Variants in KAT6B observed in about 807,000 individuals in gnomAD.
KAT6B encodes the protein lysine acetyltransferase 6B.
Under a neutral mutation model 187.5 loss-of-function variants are expected in KAT6B, and 10 were observed. That is an observed-to-expected ratio of 0.05 (90% confidence interval 0.03 to 0.09). The LOEUF (loss-of-function observed/expected upper bound fraction) is 0.09, where lower values mean the gene tolerates loss of function less well. Ranked by LOEUF, KAT6B falls within the 10% of genes least tolerant of loss-of-function variation. KAT6B has a pLI of 1.00. For synonymous variants in KAT6B, 861 were observed against 926.8 expected (o/e 0.93, Z 1.29); for missense variants, 1,952 against 2,558.9 (o/e 0.76, Z 5.12).
At chr10:74,848,121 G>A (rs1842235984) in intron 3 of KAT6B, among the ~76,000 whole-genome samples, 1 of 151,814 alleles carries the variant, frequency 6.6e-6, no homozygotes, top group Non-Finnish European at 1.5e-5. Context: ...GTTTCACCAT[G>A]TTGGCCAGGC....
At chr10:74,930,897 A>G (rs1429074254) in intron 3 of KAT6B, among the ~76,000 whole-genome samples, 1 of 152,232 alleles carries the variant, frequency 6.6e-6, no homozygotes, top group Non-Finnish European at 1.5e-5. Context: ...CTGTTAATCA[A>G]ATCCATCTAA....
chr10:75,028,658 A>C lies in KAT6B; in HGVS notation c.3834A>C (p.Glu1278Asp). The change falls in exon 18 of 18, where the codon GAA becomes GAC. Residue 1278 changes from glutamate (E) to aspartate (D), a missense_variant. Coordinates refer to ENST00000287239, the MANE Select transcript of KAT6B (RefSeq NM_012330.4). ...AACTGAATTTGTACACCCCGCCAGA[A>C]ACACCCATGGAGCCTGACGAGCAGG... ...GFKLNLYTPPETPMEPDEQVT... is the reference protein window; with the variant it reads ...GFKLNLYTPPDTPMEPDEQVT... The C allele has an allele frequency of 6.2e-7, 1 of 1,614,166 alleles. No homozygotes were observed.
intron 3 of KAT6B, among the ~76,000 whole-genome samples, chr10:74,880,400 T>C (rs891800904): frequency 3.3e-5 from 5 of 152,266 alleles, no homozygotes; most frequent in African/African-American, 1.2e-4. Context: ...CTGTAGTATG[T>C]ATCAGTACTT....
rs992723009 is a variant in KAT6B at position 74,854,118 on chromosome 10, A to G, written c.621+10640A>G. On this transcript the variant is annotated intron_variant, in intron 3 of 17. Transcript: ENST00000287239. ...TCAGGTACTTTGATCTCTCCAATCTATTAATGTTTCTGAGTACATAAACAT... is the reference window on the plus strand; with the variant it reads ...TCAGGTACTTTGATCTCTCCAATCTGTTAATGTTTCTGAGTACATAAACAT... Among the ~76,000 whole-genome samples the G allele has an allele frequency of 3.9e-5, 6 of 152,238 alleles. No homozygotes were observed. In the East Asian group the frequency reaches 5.8e-4, roughly 15 times the overall value.
intron 3 of KAT6B, among the ~76,000 whole-genome samples, chr10:74,894,995 C>T (rs78225168): frequency 0.034 from 5,142 of 151,574 alleles, 177 homozygotes; most frequent in East Asian, 0.11. Flanking sequence ...ATAGCAGCTA[C>T]GCCATTTTAC....
chr10:74,981,302 T>C (rs200066018), intron 10 of KAT6B, among the ~76,000 whole-genome samples: 19 of 126,702 alleles, frequency 1.5e-4, no homozygotes, highest in African/African-American at 6.9e-4. Context: ...TTTCTTTCTT[T>C]CTTTCTTCCT....
intron 3 of KAT6B, among the ~76,000 whole-genome samples, chr10:74,938,675 C>T (rs1849437257): frequency 6.6e-6 from 1 of 152,132 alleles, no homozygotes; most frequent in Non-Finnish European, 1.5e-5. Context: ...TTCCAATGAT[C>T]TGTCAAACAT....
chr10:74,879,565 T>C (rs1480118841), intron 3 of KAT6B, among the ~76,000 whole-genome samples: 1 of 152,224 alleles, frequency 6.6e-6, no homozygotes, highest in East Asian at 1.9e-4. Context: ...TTAGGGCTAC[T>C]ATATTACCCA....
At chr10:74,988,013 T>A (rs958546249) in intron 12 of KAT6B, among the ~76,000 whole-genome samples, 2 of 152,188 alleles carry the variant, frequency 1.3e-5, no homozygotes, top group African/African-American at 4.8e-5. Context: ...GTGCAAAAGT[T>A]GGGAGTACAT....
chr10:74,911,176 A>C (rs1847176137), intron 3 of KAT6B, among the ~76,000 whole-genome samples: 1 of 152,046 alleles, frequency 6.6e-6, no homozygotes, highest in Non-Finnish European at 1.5e-5. Context: ...ATATATATGC[A>C]TGTGATTCTG....
At chr10:74,873,198 C>G (rs1320577781) in intron 3 of KAT6B, among the ~76,000 whole-genome samples, 2 of 151,646 alleles carry the variant, frequency 1.3e-5, no homozygotes, top group Non-Finnish European at 2.9e-5. Flanking sequence ...TGGTGGCTCA[C>G]GGCTATAATT....
Position 74,992,516 on chromosome 10 carries a change from A to G in KAT6B, c.2629+3404A>G, listed in dbSNP as rs144323012. On this transcript the variant is annotated intron_variant, in intron 13 of 17. Transcript: ENST00000287239. ...TCTATAATAAAGTGTTGAATATCTCATGTAAGAGTGTTGTACCACATATCG... is the reference window on the plus strand; with the variant it reads ...TCTATAATAAAGTGTTGAATATCTCGTGTAAGAGTGTTGTACCACATATCG... Among the ~76,000 whole-genome samples, 32 of 152,310 alleles carry G rather than the reference A, an allele frequency of 2.1e-4. No individual in the cohort carries two copies. In the East Asian group the frequency reaches 4.0e-3, roughly 19 times the overall value.
intron 3 of KAT6B, among the ~76,000 whole-genome samples, chr10:74,936,171 G>A (rs902340730): frequency 4.6e-5 from 7 of 152,146 alleles, no homozygotes; most frequent in Non-Finnish European, 1.0e-4. Context: ...GGGAGGCCAA[G>A]GCAGGCGAAT....
At chr10:74,828,562 CTTTTTTTTTTTT>C (rs1160950109) in intron 1 of KAT6B, among the ~76,000 whole-genome samples, 5 of 94,822 alleles carry the variant, frequency 5.3e-5, no homozygotes, top group East Asian at 3.1e-4. Flanking sequence ...CTCATAAGTT[CTTTTTTTTTTTT>C]TTTTTTTTTT....
chr10:74,972,975 A>T (rs981609627), intron 7 of KAT6B, among the ~76,000 whole-genome samples: 3 of 152,206 alleles, frequency 2.0e-5, no homozygotes, highest in Non-Finnish European at 4.4e-5. Context: ...AAATATTTTC[A>T]TAGGAATTTT....
intron 11 of KAT6B, chr10:74,984,137 T>C (rs1331443546): frequency 3.3e-5 from 5 of 152,240 alleles, no homozygotes; most frequent in Non-Finnish European, 7.3e-5. Flanking sequence ...TCTGTGCCCA[T>C]TGCCCATATT....
intron 3 of KAT6B, among the ~76,000 whole-genome samples, chr10:74,899,955 T>C (rs891803202): frequency 1.3e-5 from 2 of 152,200 alleles, no homozygotes; most frequent in Non-Finnish European, 2.9e-5. Context: ...CAGTGCAAGA[T>C]TAAAATCTCT....
chr10:74,939,303 T>TGTGGA (rs1191548117), intron 3 of KAT6B, among the ~76,000 whole-genome samples: 1 of 152,170 alleles, frequency 6.6e-6, no homozygotes, highest in Non-Finnish European at 1.5e-5. Flanking sequence ...TATGGGTGCT[T>TGTGGA]GTGGAGGTAC....
intron 3 of KAT6B, among the ~76,000 whole-genome samples, chr10:74,939,050 AACACACACAC>A (rs112617639): frequency 3.4e-5 from 5 of 145,778 alleles, no homozygotes; most frequent in African/African-American, 7.5e-5. Context: ...TTATTTTCTT[AACACACACAC>A]ACACACACAC....
Sources: gnomAD v4.1 joint callset for allele counts (sites outside exome capture counted in the v4.1 genomes callset) on GRCh38, gnomAD v4.1.1 for gene constraint, MANE v1.5 for transcripts, NCBI Gene and HGNC (gene_info 2026-07-23, HGNC 2026-07-21) for gene names.